The following PDE1C variants were observed in gnomAD, a reference collection of about 807,000 sequenced individuals.
PDE1C encodes the protein dual specificity calcium/calmodulin-dependent 3',5'-cyclic nucleotide phosphodiesterase 1C.
PDE1C carries 62 observed loss-of-function variants against 93.1 expected under a neutral mutation model. The ratio of observed to expected loss-of-function variants is 0.67; its 90% confidence interval spans 0.54 to 0.82. The LOEUF (loss-of-function observed/expected upper bound fraction) is 0.82. PDE1C is among the 40% of genes least tolerant of loss of function. The pLI is 0.00. For missense variants in PDE1C, 742 were observed against 884.6 expected (o/e 0.84, Z 2.04); for synonymous variants, 325 against 310.1 (o/e 1.05, Z -0.50).
At chr7:32,368,778 T>C (rs1432685218) in intron 1 of PDE1C, among the ~76,000 whole-genome samples, 1 of 152,122 alleles carries the variant, frequency 6.6e-6, no homozygotes. Flanking sequence ...CAAAATAGCA[T>C]GGTACTGACA....
Position 31,849,578 on chromosome 7 carries a change from A to C in PDE1C, c.851+1063T>G, listed in dbSNP as rs545938788. On this transcript the variant is annotated intron_variant, in intron 8 of 17. Transcript: ENST00000396191. ...TCTTCTTTTGTGTATACTGTAATCA[A>C]GTGTTGAGTTCATTAAATACATGTA... 2.0e-5 allele frequency among the ~76,000 whole-genome samples: 3 copies of C among 152,296 alleles called. No individual in the cohort carries two copies. The South Asian group carries it at 6.2e-4, about 32-fold the overall frequency.
chr7:32,189,111 T>A (rs1804065058), intron 2 of PDE1C, among the ~76,000 whole-genome samples: 1 of 152,190 alleles, frequency 6.6e-6, no homozygotes, highest in Non-Finnish European at 1.5e-5. Flanking sequence ...TCTGGTGCAG[T>A]GGATCACTAT....
At chr7:32,090,454 G>A (rs2392020) in intron 3 of PDE1C, among the ~76,000 whole-genome samples, 94,874 of 152,054 alleles carry the variant, frequency 0.62, 29,952 homozygotes, top group African/African-American at 0.71. Context: ...CTTGACATGC[G>A]CGGGCTTTCT....
intron 2 of PDE1C, among the ~76,000 whole-genome samples, chr7:31,960,302 G>A (rs1187198712): frequency 6.6e-6 from 1 of 152,238 alleles, no homozygotes; most frequent in Admixed American, 6.5e-5. Flanking sequence ...CTGTGTGTTA[G>A]ACAGAGAAAG....
Position 32,130,802 on chromosome 7 carries a change from C to T in PDE1C, c.308+38983G>A, listed in dbSNP as rs575282296. ...TGAAGAAAAGGAGAGAGTCAACAAT[C>T]CTAAAAAATTGTAACCTCTCTCCCC... is the stretch of plus-strand genomic sequence containing the variant. On this transcript the variant is annotated intron_variant, in intron 3 of 18. Transcript: ENST00000396193. Among the ~76,000 whole-genome samples the T allele has an allele frequency of 2.8e-3, 432 of 152,128 alleles. 3 individuals carry two copies. Among genetic ancestry groups the T allele is most frequent in the Non-Finnish European group, 4.7e-3 (319 of 68,002 alleles).
At chr7:32,242,857 A>C (rs990437883) in intron 1 of PDE1C, among the ~76,000 whole-genome samples, 3 of 152,228 alleles carry the variant, frequency 2.0e-5, no homozygotes, top group African/African-American at 7.2e-5. Context: ...CCATTCAGTG[A>C]AAATGTTGAG....
Position 31,753,078 on chromosome 7 carries a change from T to A in PDE1C, c.*306A>T. ...CAATGAGAGGAATTTTATTTTTTTT[T>A]AAGTTTGTGTCATTTTAATTTTGGT... On this transcript the variant is annotated 3_prime_UTR_variant, in exon 18 of 18. Coordinates refer to ENST00000396191, the MANE Select transcript of PDE1C (RefSeq NM_001191057.4). 1 of 187,160 alleles carries A rather than the reference T, an allele frequency of 5.3e-6. No homozygotes were observed. 11.6% of individuals were successfully genotyped at this position (187,160 alleles called of 1,614,324 possible).
At chr7:31,792,513 T>A (rs2128664752) in intron 16 of PDE1C, among the ~76,000 whole-genome samples, 1 of 152,232 alleles carries the variant, frequency 6.6e-6, no homozygotes, top group Non-Finnish European at 1.5e-5. Flanking sequence ...TTATATATTT[T>A]ATTCAATAGT....
the PDE1C span, among the ~76,000 whole-genome samples, chr7:31,670,263 G>C: frequency 6.6e-6 from 1 of 152,290 alleles, no homozygotes; most frequent in Admixed American, 6.5e-5. Context: ...GTCCTCCAAT[G>C]AGCATGTCCT....
intron 1 of PDE1C, among the ~76,000 whole-genome samples, chr7:32,252,896 G>A (rs1251204864): frequency 1.3e-5 from 2 of 152,160 alleles, no homozygotes; most frequent in Non-Finnish European, 2.9e-5. Flanking sequence ...TTAAATGCTT[G>A]ACCTCTATTT....
At chr7:32,105,054 A>G (rs1294882944) in intron 3 of PDE1C, among the ~76,000 whole-genome samples, 1 of 152,216 alleles carries the variant, frequency 6.6e-6, no homozygotes, top group Non-Finnish European at 1.5e-5. Context: ...GGTGAAAATA[A>G]GGGTCAAACT....
At chr7:32,202,489 G>C (rs1805086076) in intron 2 of PDE1C, among the ~76,000 whole-genome samples, 1 of 152,184 alleles carries the variant, frequency 6.6e-6, no homozygotes, top group Admixed American at 6.5e-5. Context: ...GGTGAGCACT[G>C]GACTGGATCA....
At chr7:31,706,074 G>A in the PDE1C span, among the ~76,000 whole-genome samples, 4 of 131,356 alleles carry the variant, frequency 3.0e-5, no homozygotes, top group East Asian at 2.3e-4. Flanking sequence ...GTGTAATCTC[G>A]GCTTGCTGCA....
chr7:32,340,598 T>G (rs1229552492), intron 1 of PDE1C, among the ~76,000 whole-genome samples: 1 of 152,212 alleles, frequency 6.6e-6, no homozygotes. Context: ...ATATTTGTGT[T>G]TTTAAAAAAT....
intron 2 of PDE1C, among the ~76,000 whole-genome samples, chr7:31,951,134 C>A (rs540902637): frequency 8.5e-5 from 13 of 152,164 alleles, no homozygotes; most frequent in Admixed American, 2.0e-4. Flanking sequence ...CAGTCCCATT[C>A]GATGAGGATC....
At chr7:31,800,329 AAAAGAGT>A (rs1339049507) in intron 16 of PDE1C, among the ~76,000 whole-genome samples, 3 of 151,580 alleles carry the variant, frequency 2.0e-5, no homozygotes, top group Non-Finnish European at 3.0e-5. Flanking sequence ...CCCAAGATCA[AAAAGAGT>A]TTCTCTTATA....
upstream of PDE1C, among the ~76,000 whole-genome samples, chr7:32,072,250 C>T (rs975167614): frequency 6.6e-6 from 1 of 152,166 alleles, no homozygotes; most frequent in Non-Finnish European, 1.5e-5. Context: ...AGACAAAAGA[C>T]CTGTTTGATG....
intron 3 of PDE1C, among the ~76,000 whole-genome samples, chr7:32,105,992 G>A (rs1798290018): frequency 1.3e-5 from 2 of 151,896 alleles, no homozygotes; most frequent in Admixed American, 1.3e-4. Flanking sequence ...GCTTACAACT[G>A]GAGTTTTACT....
exon 1 of PDE1C, chr7:32,298,859 C>G (rs1812798201): frequency 1.4e-6 from 2 of 1,386,406 alleles, no homozygotes; most frequent in East Asian, 5.9e-5. Flanking sequence ...CGCTGTCACT[C>G]TCAGCCCCGC....
Sources: allele counts gnomAD v4.1 joint callset (sites outside exome capture counted in the v4.1 genomes callset), GRCh38; gene constraint gnomAD v4.1.1; transcripts MANE v1.5; gene names NCBI Gene and HGNC (gene_info 2026-07-23, HGNC 2026-07-21).